SMIM31: variants seen among roughly 807,000 people sequenced by gnomAD.
SMIM31 encodes human epithelial cell program regulator.
chr4:164,795,107 T>C (rs1733172409), intron 2 of SMIM31, among the ~76,000 whole-genome samples: 1 of 152,196 alleles, frequency 6.6e-6, no homozygotes, highest in Non-Finnish European at 1.5e-5. Context: ...TACATAATTG[T>C]ACAAAATTTA....
intron 2 of SMIM31, among the ~76,000 whole-genome samples, chr4:164,781,227 T>C (rs919629827): frequency 6.6e-6 from 1 of 151,984 alleles, no homozygotes; most frequent in African/African-American, 2.4e-5. Context: ...GAACGCAAAA[T>C]GGTACAGCCA....
intron 1 of SMIM31, among the ~76,000 whole-genome samples, chr4:164,763,108 G>A (rs1279446339): frequency 6.6e-6 from 1 of 152,138 alleles, no homozygotes; most frequent in Non-Finnish European, 1.5e-5. Context: ...CCCTTATGAA[G>A]GGGAAAAGAA....
chr4:164,754,261 G>A lies in SMIM31; in HGVS notation c.-176G>A, dbSNP rs567805957. ...GGTTAGTGAAGTGGCATCAGGAAGT[G>A]CCTACATTTTCATGGCCTGGTAGCG... is the stretch of plus-strand genomic sequence containing the variant. On this transcript the variant is annotated 5_prime_UTR_variant, in exon 1 of 3. Coordinates refer to ENST00000507311, the MANE Select transcript of SMIM31 (RefSeq NM_001352885.1). The A allele has an allele frequency of 6.6e-6, 1 of 152,098 alleles. No homozygotes were observed. 9.4% of individuals were successfully genotyped at this position (152,098 alleles called of 1,614,324 possible).
Position 164,801,928 on chromosome 4 carries a change from T to TC in SMIM31, c.*734_*735insC, listed in dbSNP as rs2110971236. The TC allele has an allele frequency of 6.6e-6, 1 of 151,982 alleles. No homozygotes were observed. The highest frequency in any genetic ancestry group is 6.6e-5 in the Admixed American group (1 of 15,266). The allele number at this position is 151,982 out of a possible 1,614,324, so 9.4% of individuals were successfully genotyped here. Reference sequence around the variant, plus strand: ...TTGAAAGTTTTCTGTTATTTATATTTTTTTTTTTTTAATTTGAGAGAGAGG... The same window carrying TC: ...TTGAAAGTTTTCTGTTATTTATATTTCTTTTTTTTTTAATTTGAGAGAGAGG... On this transcript the variant is annotated 3_prime_UTR_variant, in exon 3 of 3. Transcript: ENST00000507311.
At chr4:164,783,012 G>A (rs1277177349) in intron 2 of SMIM31, among the ~76,000 whole-genome samples, 1 of 151,702 alleles carries the variant, frequency 6.6e-6, no homozygotes, top group Non-Finnish European at 1.5e-5. Context: ...GAGGTCAGGA[G>A]TTCGAGACCA....
In SMIM31 at chr4:164,768,194, C is replaced by T. The variant is rs114086618; in HGVS notation, c.-25-2225C>T. ...GAGGCTGCAGTGAACTGTTATCATGCCATTGCTCTCCAGCCTGGGCAACAG... is the reference window on the plus strand; with the variant it reads ...GAGGCTGCAGTGAACTGTTATCATGTCATTGCTCTCCAGCCTGGGCAACAG... On this transcript the variant is annotated intron_variant, in intron 1 of 2. Coordinates refer to ENST00000507311, the MANE Select transcript of SMIM31 (RefSeq NM_001352885.1). Among the ~76,000 whole-genome samples, 326 of 151,006 alleles carry T rather than the reference C, an allele frequency of 2.2e-3. 3 individuals carry two copies. Among genetic ancestry groups the T allele is most frequent in the African/African-American group, 7.6e-3 (310 of 40,992 alleles).
chr4:164,788,246 G>A (rs921006045), intron 2 of SMIM31, among the ~76,000 whole-genome samples: 6 of 152,000 alleles, frequency 3.9e-5, no homozygotes, highest in Non-Finnish European at 8.8e-5. Context: ...CTTGAGACTC[G>A]CTAGTGCCAA....
intron 1 of SMIM31, among the ~76,000 whole-genome samples, chr4:164,762,891 GA>G (rs1166588451): frequency 2.0e-5 from 3 of 152,052 alleles, no homozygotes; most frequent in African/African-American, 7.2e-5. Context: ...ATGCAAAGGG[GA>G]AAACCTAAAG....
At chr4:164,762,662 C>CAAAA (rs1162067333) in intron 1 of SMIM31, among the ~76,000 whole-genome samples, 20 of 100,052 alleles carry the variant, frequency 2.0e-4, no homozygotes, top group Admixed American at 3.5e-4. Flanking sequence ...GACTCTGTCT[C>CAAAA]AAAAAAAAAA....
In SMIM31 at chr4:164,803,655, C is replaced by G. The variant is rs150936247; in HGVS notation, c.*2461C>G. On this transcript the variant is annotated 3_prime_UTR_variant, in exon 3 of 3. Transcript: ENST00000507311. The stretch of plus-strand genomic sequence containing the variant: ...ACTAAAAATACAAAAATTAGCCAGG[C>G]GTGGTGGTCCATGCCTGTAATCCTA... The G allele has an allele frequency of 6.6e-6, 1 of 151,332 alleles. No homozygotes were observed. The highest frequency in any genetic ancestry group is 2.4e-5 in the African/African-American group (1 of 41,116). The allele number at this position is 151,332 out of a possible 1,614,324, so 9.4% of individuals were successfully genotyped here.
chr4:164,782,177 C>T (rs970829204), intron 2 of SMIM31, among the ~76,000 whole-genome samples: 2 of 151,668 alleles, frequency 1.3e-5, no homozygotes, highest in African/African-American at 4.8e-5. Flanking sequence ...GTAATCCCAG[C>T]TGCTGGGGAG....
intron 1 of SMIM31, among the ~76,000 whole-genome samples, chr4:164,770,006 G>GAGAC (rs1156793421): frequency 6.6e-6 from 1 of 152,088 alleles, no homozygotes; most frequent in East Asian, 1.9e-4. Context: ...TTATGAAATG[G>GAGAC]AGACAATACT....
chr4:164,758,824 T>C (rs867313791), intron 1 of SMIM31, among the ~76,000 whole-genome samples: 7,950 of 112,694 alleles, frequency 0.071, 469 homozygotes, highest in South Asian at 0.12. Context: ...TTTTTTTTTT[T>C]TTTTTTTTTT....
chr4:164,785,448 T>C (rs1733014904), intron 2 of SMIM31, among the ~76,000 whole-genome samples: 1 of 152,072 alleles, frequency 6.6e-6, no homozygotes, highest in Non-Finnish European at 1.5e-5. Flanking sequence ...CTCTATATAA[T>C]GGAGATAACA....
intron 1 of SMIM31, among the ~76,000 whole-genome samples, chr4:164,756,541 G>A (rs569952155): frequency 2.6e-5 from 4 of 151,216 alleles, no homozygotes; most frequent in East Asian, 1.9e-4. Context: ...CACTGCACTC[G>A]AGACTGGGGG....
chr4:164,784,822 T>G (rs1733005372), intron 2 of SMIM31, among the ~76,000 whole-genome samples: 1 of 151,986 alleles, frequency 6.6e-6, no homozygotes, highest in South Asian at 2.1e-4. Flanking sequence ...AAGAAGAAAT[T>G]AGTAGCCATA....
chr4:164,763,159 A>C (rs1002414033), intron 1 of SMIM31, among the ~76,000 whole-genome samples: 2 of 152,234 alleles, frequency 1.3e-5, no homozygotes, highest in African/African-American at 4.8e-5. Context: ...AAATTTGGCA[A>C]TGCTTCTTTC....
rs1733056135 is a variant in SMIM31, at chr4:164,788,478, C to CTTTTTCTTTTTTTTTTTTTTTTT, written c.113-12608_113-12607insCTTTTTTTTTTTTTTTTTTTTTT. ...ATAAAATTTCTTTCTTCTAATTTTT[C>CTTTTTCTTTTTTTTTTTTTTTTT]TTTTTTTTTTTTTTTTTTTTTTTTT... On this transcript the variant is annotated intron_variant, in intron 2 of 2. Coordinates refer to ENST00000507311, the MANE Select transcript of SMIM31 (RefSeq NM_001352885.1). Among the ~76,000 whole-genome samples, 4 of 58,164 alleles carry CTTTTTCTTTTTTTTTTTTTTTTT rather than the reference C, an allele frequency of 6.9e-5. 1 individual carries two copies. The highest frequency in any genetic ancestry group is 2.9e-4 in the African/African-American group (4 of 13,838). The allele number at this position is 58,164 out of a possible 152,430, so 38.2% of individuals were successfully genotyped here. A position where few individuals can be genotyped will look rare whatever the true frequency, so the allele number is the denominator to read the frequency against.
chr4:164,795,193 C>A (rs182689454), intron 2 of SMIM31, among the ~76,000 whole-genome samples: 79 of 152,320 alleles, frequency 5.2e-4, no homozygotes, highest in African/African-American at 1.9e-3. Context: ...TTGCTTCTGA[C>A]TCCTTGGATA....
Sources: gnomAD v4.1 joint callset for allele counts (sites outside exome capture counted in the v4.1 genomes callset) on GRCh38, gnomAD v4.1.1 for gene constraint, MANE v1.5 for transcripts, NCBI Gene and HGNC (gene_info 2026-07-23, HGNC 2026-07-21) for gene names.